TACC3: variants seen among roughly 807,000 people sequenced by gnomAD.
The protein encoded by TACC3 is transforming acidic coiled-coil containing protein 3.
Under a neutral mutation model 86.0 loss-of-function variants are expected in TACC3, and 52 were observed. The ratio of observed to expected loss-of-function variants is 0.60; its 90% confidence interval spans 0.48 to 0.76. TACC3 has a LOEUF of 0.76. TACC3 is among the 30% of genes least tolerant of loss of function. The pLI, the probability that TACC3 is intolerant of heterozygous loss-of-function variation, is 0.00. For missense variants in TACC3, 1,120 were observed against 1,070.4 expected (o/e 1.05, Z -0.65); for synonymous variants, 512 against 430.0 (o/e 1.19, Z -2.36).
intron 10 of TACC3, among the ~76,000 whole-genome samples, chr4:1,738,609 T>G (rs1718407559): frequency 6.6e-6 from 1 of 152,192 alleles, no homozygotes; most frequent in African/African-American, 2.4e-5. Flanking sequence ...AGCAAGGCAG[T>G]TTTTACTTTC....
Position 1,723,793 on chromosome 4 carries a change from C to G in TACC3, c.228C>G (p.Ser76Arg). 1.2e-6 allele frequency: 2 copies of G among 1,613,836 alleles called. No individual in the cohort carries two copies. Among genetic ancestry groups the G allele is most frequent in the Non-Finnish European group, 1.7e-6 (2 of 1,180,002 alleles). Residue 76 changes from serine to arginine, a missense_variant, in exon 3 of 16, where the codon AGC (serine) becomes AGG (arginine). By Grantham distance (110) the Ser-to-Arg change is moderately radical. Transcript: ENST00000313288. ...THRILSPSMA[S>R]KLEAPFTQDD... ...GGATTCTAAGTCCTAGCATGGCCAG[C>G]AAACTTGAGGCTCCTTTCACTCAGG...
chr4:1,738,207 C>A, intron 10 of TACC3: 1 of 284,482 alleles, frequency 3.5e-6, no homozygotes, highest in East Asian at 9.8e-5. Context: ...TGTAGGCACA[C>A]AAAGGGGCTG....
chr4:1,731,328 C>T (rs1238863173), intron 6 of TACC3, 27 bp downstream of exon 6: 3 of 1,611,236 alleles, frequency 1.9e-6, no homozygotes, highest in Admixed American at 1.7e-5. Flanking sequence ...AGACGTCACA[C>T]ACAGTCTGCC....
At position 1,723,404 on chromosome 4, in the gene TACC3, A is replaced by G; in HGVS notation, c.-1-17A>G. On this transcript the variant is annotated splice_polypyrimidine_tract_variant and intron_variant, in intron 1 of 15. Coordinates refer to ENST00000313288, the MANE Select transcript of TACC3 (RefSeq NM_006342.3). ...GTGTTGCCCTCACACTGACACAAAC[A>G]TGTTCTGCTTTTCCAGAATGAGTCT... 6.2e-7 allele frequency: 1 copy of G among 1,610,316 alleles called. No individual in the cohort carries two copies. Among genetic ancestry groups the G allele is most frequent in the Non-Finnish European group, 8.5e-7 (1 of 1,177,904 alleles).
intron 2 of TACC3, 51 bp downstream of exon 2, chr4:1,723,634 C>CA: frequency 2.5e-6 from 4 of 1,608,910 alleles, no homozygotes; most frequent in Non-Finnish European, 3.4e-6. Context: ...CTAGGGCCTG[C>CA]TTTCTTGGTG....
At position 1,728,097 on chromosome 4, in the gene TACC3, C is replaced by T; in HGVS notation, c.695C>T (p.Ala232Val). ...EECKAETPHGAEEECRHGGVC... is the reference protein window; with the variant it reads ...EECKAETPHGVEEECRHGGVC... The stretch of plus-strand genomic sequence containing the variant: ...TGCAAAGCGGAGACTCCGCACGGAG[C>T]CGAGGAGGAATGCCGGCACGGTGGG... Residue 232 changes from alanine (A) to valine (V), a missense_variant, in exon 4 of 16, where the codon GCC (alanine) becomes GTC (valine). Transcript: ENST00000313288. The T allele has an allele frequency of 1.2e-6, 2 of 1,612,274 alleles. No individual in the cohort carries two copies. Among genetic ancestry groups the T allele is most frequent in the Non-Finnish European group, 1.7e-6 (2 of 1,179,700 alleles).
intron 6 of TACC3, among the ~76,000 whole-genome samples, chr4:1,734,605 G>A (rs1157888293): frequency 6.6e-6 from 1 of 152,212 alleles, no homozygotes; most frequent in Admixed American, 6.5e-5. Context: ...CAAAAAGTAG[G>A]ATAGTTTTAA....
upstream of TACC3, chr4:1,721,407 G>C (rs1012638433): frequency 1.3e-5 from 2 of 152,116 alleles, no homozygotes; most frequent in African/African-American, 4.8e-5. Context: ...GAGCCGGCGA[G>C]GCACAGCTTC....
At chr4:1,720,642 G>A (rs559653053), upstream of TACC3, 9 of 1,541,836 alleles carry the variant, frequency 5.8e-6, no homozygotes, top group African/African-American at 1.2e-4. The surrounding 1 kb of genome is among the most constrained non-coding windows in gnomAD (Gnocchi z 4.4). Flanking sequence ...CCGAGCGGCA[G>A]CAGCGAGTGG....
At chr4:1,736,422 C>CAAAAAAAAAA (rs1164866581) in intron 8 of TACC3, among the ~76,000 whole-genome samples, 6 of 65,832 alleles carry the variant, frequency 9.1e-5, no homozygotes, top group East Asian at 5.8e-4. Flanking sequence ...GACTCCATCT[C>CAAAAAAAAAA]AAAAAAAAAA....
Position 1,741,273 on chromosome 4 carries a change from G to C in TACC3, c.2223+287G>C, listed in dbSNP as rs1456717036. ...CTATGATCAGGCATCTGTGAGATTTGAGACAGCGCTGGTGCACCGGGGCCT... is the reference window on the plus strand; with the variant it reads ...CTATGATCAGGCATCTGTGAGATTTCAGACAGCGCTGGTGCACCGGGGCCT... On this transcript the variant is annotated intron_variant, in intron 13 of 15. Coordinates refer to ENST00000313288, the MANE Select transcript of TACC3 (RefSeq NM_006342.3). 4.2e-5 allele frequency: 12 copies of C among 287,814 alleles called. No individual in the cohort carries two copies. The East Asian group carries it at 7.9e-4, about 19-fold the overall frequency. The allele number at this position is 287,814 out of a possible 1,614,324, so 17.8% of individuals were successfully genotyped here.
In TACC3 at chr4:1,728,500, C is replaced by T; in HGVS notation, c.1098C>T (p.Pro366=). 2 of 1,613,988 alleles carry T rather than the reference C, an allele frequency of 1.2e-6. No homozygotes were observed. Among genetic ancestry groups the T allele is most frequent in the South Asian group, 2.2e-5 (2 of 91,074 alleles). Residue 366 remains proline (P), a synonymous_variant, in exon 4 of 16, where the codon CCC becomes CCT. Transcript: ENST00000313288. ...RLGERSGLKP[P]LRKAAVRQQK... Reference sequence around the variant, plus strand: ...GAGAGAGGTCCGGCCTCAAGCCTCCCTTGAGGAAAGCAGCAGTGAGGCAGC... The same window carrying T: ...GAGAGAGGTCCGGCCTCAAGCCTCCTTTGAGGAAAGCAGCAGTGAGGCAGC...
chr4:1,727,814 A>G lies in TACC3; in HGVS notation c.412A>G (p.Ser138Gly). The change falls in exon 4 of 16, where the codon AGT becomes GGT. Residue 138 changes from serine to glycine, a missense_variant. Transcript: ENST00000313288. ...GGGGGATGCAAGCCCAGCCTTTGGG[A>G]GTGGCAGCTCCAGCGAGTCTGGCCC... ...LLGDASPAFG[S>G]GSSSESGPGA... is the part of the protein sequence containing the mutation. 1 of 1,612,962 alleles carries G rather than the reference A, an allele frequency of 6.2e-7. No homozygotes were observed. Among genetic ancestry groups the G allele is most frequent in the Non-Finnish European group, 8.5e-7 (1 of 1,179,994 alleles).
rs1271869308 is a variant in TACC3, at chr4:1,744,992, C to T, written c.2496C>T (p.Ile832=). The change falls in exon 16 of 16, where the codon ATC becomes ATT. Residue 832 remains isoleucine (I), a synonymous_variant. Coordinates refer to ENST00000313288, the MANE Select transcript of TACC3 (RefSeq NM_006342.3). ...EELTRICDDL[I]SKMEKI ...TGACCAGGATCTGCGACGACCTCAT[C>T]TCCAAGATGGAGAAGATCTGACCTC... The T allele has an allele frequency of 6.2e-7, 1 of 1,609,944 alleles. No individual in the cohort carries two copies. The highest frequency in any genetic ancestry group is 1.3e-5 in the African/African-American group (1 of 74,904).
In TACC3 at chr4:1,727,980, G is replaced by A. The variant is rs140404216; in HGVS notation, c.578G>A (p.Arg193Lys). The change falls in exon 4 of 16, where the codon AGA becomes AAA. Residue 193 changes from arginine (R) to lysine (K), a missense_variant. Transcript: ENST00000313288. ...EENLSSYSLD[R>K]RVTPASETLE... ...AACCTTAGTTCCTATTCCTTAGACA[G>A]AAGAGTGACACCCGCCTCTGAGACC... The A allele has an allele frequency of 8.7e-5, 141 of 1,613,204 alleles. No homozygotes were observed. The East Asian group carries it at 3.0e-3, about 35-fold the overall frequency.
At position 1,735,339 on chromosome 4, in the gene TACC3, A is replaced by G. The variant is rs549044698; in HGVS notation, c.1644+14A>G. 1 of 1,613,870 alleles carries G rather than the reference A, an allele frequency of 6.2e-7. No individual in the cohort carries two copies. The highest frequency in any genetic ancestry group is 2.2e-5 in the East Asian group (1 of 44,886). ...GGAACTTCCTCGGTAGGTACCAGGC[A>G]ATTCCGCGAAGCCTCACCCACAGGG... On this transcript the variant is annotated intron_variant, in intron 7 of 15. Coordinates refer to ENST00000313288, the MANE Select transcript of TACC3 (RefSeq NM_006342.3). This position sits in a 1 kb window ranked among gnomAD's most constrained non-coding sequence, Gnocchi z 4.2.
intron 6 of TACC3, among the ~76,000 whole-genome samples, chr4:1,732,719 A>G (rs9985880): frequency 0.18 from 27,580 of 152,234 alleles, 2,748 homozygotes; most frequent in African/African-American, 0.2. Context: ...ATCACACAGC[A>G]CGGCCTTCTG....
chr4:1,727,695 T>G lies in TACC3; in HGVS notation c.306-13T>G. The G allele has an allele frequency of 6.4e-7, 1 of 1,559,920 alleles. No individual in the cohort carries two copies. The highest frequency in any genetic ancestry group is 8.7e-7 in the Non-Finnish European group (1 of 1,152,960). On this transcript the variant is annotated splice_polypyrimidine_tract_variant and intron_variant, in intron 3 of 15. Coordinates refer to ENST00000313288, the MANE Select transcript of TACC3 (RefSeq NM_006342.3). The stretch of plus-strand genomic sequence containing the variant: ...TACTCGCTGCTTCACGTTGATTAAG[T>G]CTCTTTTAAAAGCCAACAGCTCATC...
chr4:1,720,927 G>C (rs1028684009), upstream of TACC3: 3 of 1,203,924 alleles, frequency 2.5e-6, no homozygotes, highest in African/African-American at 4.8e-5. This position sits in a 1 kb window ranked among gnomAD's most constrained non-coding sequence, Gnocchi z 4.4. Flanking sequence ...GTCGGTTGCG[G>C]CGGCCGCCGC....
Sources: gnomAD v4.1 joint callset for allele counts (sites outside exome capture counted in the v4.1 genomes callset) on GRCh38, gnomAD v4.1.1 for gene constraint, Gnocchi (gnomAD v3.1) non-coding constraint, MANE v1.5 for transcripts, NCBI Gene and HGNC (gene_info 2026-07-23, HGNC 2026-07-21) for gene names.